Variants in PRELID2 observed in about 807,000 individuals in gnomAD.
The protein encoded by PRELID2 is PRELI domain-containing protein 2.
PRELID2 carries 25 observed loss-of-function variants against 28.4 expected under a neutral mutation model. That is an observed-to-expected ratio of 0.88 (90% confidence interval 0.64 to 1.23). PRELID2 has a LOEUF of 1.23. Among genes scored for constraint, PRELID2 ranks in the 50% most tolerant of loss-of-function variants. PRELID2 has a pLI of 0.00. For synonymous variants in PRELID2, 76 were observed against 71.6 expected (o/e 1.06, Z -0.31); for missense variants, 201 against 214.4 (o/e 0.94, Z 0.39).
At chr5:145,383,622 CA>C in the PRELID2 span, among the ~76,000 whole-genome samples, 409 of 127,132 alleles carry the variant, frequency 3.2e-3, 1 homozygote, top group African/African-American at 7.9e-3. Flanking sequence ...TGTCAGCATG[CA>C]AAAAAAAAAA....
intron 2 of PRELID2, among the ~76,000 whole-genome samples, chr5:145,822,343 G>A (rs436465): frequency 0.72 from 108,834 of 152,060 alleles, 39,845 homozygotes; most frequent in Non-Finnish European, 0.81. Flanking sequence ...AAAGAATCAG[G>A]TGCTAAATAA....
At chr5:145,416,108 A>G in the PRELID2 span, among the ~76,000 whole-genome samples, 1,563 of 151,454 alleles carry the variant, frequency 0.01, 10 homozygotes, top group African/African-American at 0.013. Flanking sequence ...CATATCCTTC[A>G]CCCACTTTTT....
chr5:145,415,582 C>G, the PRELID2 span, among the ~76,000 whole-genome samples: 5 of 150,766 alleles, frequency 3.3e-5, no homozygotes, highest in Admixed American at 6.6e-5. Context: ...TTTCCAATTT[C>G]ATCCATGTCC....
intron 3 of PRELID2, 132 bp from the exon 4 acceptor site, chr5:145,818,186 A>AGT: frequency 1.1e-6 from 1 of 899,238 alleles, no homozygotes; most frequent in Non-Finnish European, 1.7e-6. Context: ...ATGGCTCACC[A>AGT]GTGGCTGTAC....
chr5:145,602,792 A>G (rs1462900511), intron 1 of PRELID2, among the ~76,000 whole-genome samples: 1 of 152,078 alleles, frequency 6.6e-6, no homozygotes, highest in Non-Finnish European at 1.5e-5. Context: ...AAAAGAAAAA[A>G]ATCAGAATCA....
the PRELID2 span, among the ~76,000 whole-genome samples, chr5:145,250,415 C>T: frequency 1.3e-5 from 2 of 152,092 alleles, no homozygotes; most frequent in Non-Finnish European, 1.5e-5. Flanking sequence ...AGTGTTTGAA[C>T]CAAGCCAACA....
At chr5:145,581,241 G>A (rs953959447) in intron 1 of PRELID2, among the ~76,000 whole-genome samples, 3 of 151,972 alleles carry the variant, frequency 2.0e-5, no homozygotes, top group African/African-American at 7.2e-5. Flanking sequence ...CCCACAAAGT[G>A]CTGTCATAAC....
intron 1 of PRELID2, among the ~76,000 whole-genome samples, chr5:145,503,634 G>A (rs982158401): frequency 6.6e-6 from 1 of 152,158 alleles, no homozygotes; most frequent in African/African-American, 2.4e-5. Context: ...GCTACTGTGT[G>A]ACCCCAGGAG....
chr5:145,752,661 T>C (rs1757154881), downstream of PRELID2, among the ~76,000 whole-genome samples: 1 of 152,196 alleles, frequency 6.6e-6, no homozygotes, highest in Non-Finnish European at 1.5e-5. Flanking sequence ...GTGACAGCTA[T>C]GACCTTGGTA....
rs546573370 is a variant in PRELID2, at chr5:145,658,943, T to C, written n.70+105988A>G. On this transcript the variant is annotated intron_variant and non_coding_transcript_variant, in intron 1 of 2. Transcript: ENST00000510259. ...GTACTGTGTTTCAGAAAAGCCTCCATGAAGATGTGGCATTTAAGCTGAAAT... is the reference window on the plus strand; with the variant it reads ...GTACTGTGTTTCAGAAAAGCCTCCACGAAGATGTGGCATTTAAGCTGAAAT... Among the ~76,000 whole-genome samples the C allele has an allele frequency of 7.2e-5, 11 of 152,284 alleles. No homozygotes were observed. The East Asian group carries it at 1.4e-3, about 19-fold the overall frequency.
At chr5:145,482,049 C>A (rs1397142797) in intron 1 of PRELID2, among the ~76,000 whole-genome samples, 2 of 152,176 alleles carry the variant, frequency 1.3e-5, no homozygotes, top group East Asian at 3.9e-4. Flanking sequence ...GATTTCTCTT[C>A]CACATGGAGA....
intron 1 of PRELID2, chr5:145,728,764 GT>G: frequency 7.4e-7 from 1 of 1,350,698 alleles, no homozygotes. Context: ...GCTTCATTTT[GT>G]TTTGCACCAA....
chr5:145,303,137 T>C, the PRELID2 span, among the ~76,000 whole-genome samples: 1 of 152,170 alleles, frequency 6.6e-6, no homozygotes, highest in Non-Finnish European at 1.5e-5. Context: ...ATATTATAAC[T>C]ACTTATAATG....
At chr5:145,437,901 T>C in the PRELID2 span, among the ~76,000 whole-genome samples, 1 of 152,120 alleles carries the variant, frequency 6.6e-6, no homozygotes, top group African/African-American at 2.4e-5. Context: ...TCTACCTATT[T>C]ATGAAAAACA....
At chr5:145,257,676 C>T in the PRELID2 span, among the ~76,000 whole-genome samples, 1 of 152,150 alleles carries the variant, frequency 6.6e-6, no homozygotes, top group Admixed American at 6.6e-5. Context: ...CATAAGAAAA[C>T]TGGCATTGTT....
the PRELID2 span, among the ~76,000 whole-genome samples, chr5:145,326,832 G>GA: frequency 2.0e-5 from 3 of 150,390 alleles, no homozygotes; most frequent in Admixed American, 6.6e-5. Flanking sequence ...AACTATAAAA[G>GA]AAAAAAAAAG....
the PRELID2 span, among the ~76,000 whole-genome samples, chr5:145,403,284 C>A: frequency 5.3e-5 from 8 of 152,126 alleles, no homozygotes; most frequent in Non-Finnish European, 4.4e-5. Flanking sequence ...ATGTCTGTAA[C>A]CCCAGCACTT....
downstream of PRELID2, among the ~76,000 whole-genome samples, chr5:145,754,691 G>A (rs765771222): frequency 6.6e-6 from 1 of 152,098 alleles, no homozygotes; most frequent in Non-Finnish European, 1.5e-5. Flanking sequence ...GTGAAGCTTG[G>A]GATGAATGAT....
the PRELID2 span, among the ~76,000 whole-genome samples, chr5:145,350,503 G>A: frequency 6.6e-6 from 1 of 152,304 alleles, no homozygotes; most frequent in East Asian, 1.9e-4. Context: ...ATGACAGGTT[G>A]AGAGTTGATT....
Sources: gnomAD v4.1 joint callset for allele counts (sites outside exome capture counted in the v4.1 genomes callset) on GRCh38, gnomAD v4.1.1 for gene constraint, MANE v1.5 for transcripts, NCBI Gene and HGNC (gene_info 2026-07-23, HGNC 2026-07-21) for gene names.